ANO4: variants seen among roughly 807,000 people sequenced by gnomAD.
ANO4 encodes the protein anoctamin 4, also known as anoctamin-4.
ANO4 carries 69 observed loss-of-function variants against 141.9 expected under a neutral mutation model. The ratio of observed to expected loss-of-function variants is 0.49; its 90% CI spans 0.40 to 0.59. The LOEUF (loss-of-function observed/expected upper bound fraction) is 0.59. ANO4 is among the 20% of genes least tolerant of loss of function. The probability of loss-of-function intolerance (pLI) is 0.00; values close to 1 mark genes in which losing one functional copy is unlikely to be tolerated. For synonymous variants in ANO4, 350 were observed against 394.3 expected, an observed-to-expected ratio of 0.89 and a Z score of 1.33; for missense variants, 894 against 1,162.2, an observed-to-expected ratio of 0.77 and a Z score of 3.36.
At chr12:100,878,817 T>A (rs1254840796) in intron 1 of ANO4, among the ~76,000 whole-genome samples, 1 of 152,324 alleles carries the variant, frequency 6.6e-6, no homozygotes, top group Admixed American at 6.5e-5. Context: ...TCTTTAAACA[T>A]GGCAAATTAA....
chr12:101,030,909 C>A (rs771983547), intron 9 of ANO4, among the ~76,000 whole-genome samples: 2 of 152,154 alleles, frequency 1.3e-5, no homozygotes, highest in Non-Finnish European at 2.9e-5. Context: ...CCTGAATAGA[C>A]CAGTAACAAG....
intron 8 of ANO4, among the ~76,000 whole-genome samples, chr12:100,987,974 C>T (rs2044795287): frequency 1.3e-5 from 2 of 152,236 alleles, no homozygotes; most frequent in African/African-American, 4.8e-5. Flanking sequence ...GCTCTGCCAA[C>T]TCCCTGTGCA....
At chr12:100,827,639 T>A (rs2036423337) in intron 1 of ANO4, among the ~76,000 whole-genome samples, 1 of 151,920 alleles carries the variant, frequency 6.6e-6, no homozygotes. Context: ...CGGAAATAAA[T>A]GTCAATATTT....
chr12:101,004,981 T>C (rs771298671), intron 8 of ANO4, among the ~76,000 whole-genome samples: 1 of 152,162 alleles, frequency 6.6e-6, no homozygotes, highest in Non-Finnish European at 1.5e-5. Flanking sequence ...TTCTAGGACT[T>C]TGCTGCTCCC....
chr12:101,110,312 C>T, intron 22 of ANO4, 92 bp from the exon 23 acceptor site: 1 of 1,339,836 alleles, frequency 7.5e-7, no homozygotes, highest in South Asian at 1.9e-5. Context: ...AAAAATGGGA[C>T]TTAAGACAAT....
intron 3 of ANO4, among the ~76,000 whole-genome samples, chr12:100,766,060 C>T (rs953440926): frequency 2.0e-5 from 3 of 152,102 alleles, no homozygotes; most frequent in African/African-American, 7.2e-5. Flanking sequence ...CACCATTTTA[C>T]TCCCTGTTTC....
At chr12:100,873,443 T>C (rs1041088378) in intron 1 of ANO4, among the ~76,000 whole-genome samples, 1 of 152,174 alleles carries the variant, frequency 6.6e-6, no homozygotes, top group African/African-American at 2.4e-5. Flanking sequence ...GAGTAACTTA[T>C]TGGGAACTGG....
chr12:101,118,688 A>C (rs986801506), intron 25 of ANO4, among the ~76,000 whole-genome samples: 2 of 152,190 alleles, frequency 1.3e-5, no homozygotes, highest in African/African-American at 4.8e-5. Context: ...AATTTGCTGA[A>C]GTGAGTGGAC....
chr12:100,925,302 C>T (rs746397966), intron 3 of ANO4, among the ~76,000 whole-genome samples: 7 of 151,984 alleles, frequency 4.6e-5, no homozygotes, highest in Admixed American at 6.6e-5. Context: ...GAAAGCTTTG[C>T]GAGACCATCG....
rs769995903 is a variant in ANO4 at position 101,111,552 on chromosome 12, T to C, written c.2303-11T>C. On this transcript the variant is annotated splice_polypyrimidine_tract_variant and intron_variant, in intron 23 of 27. Transcript: ENST00000392977. ...GTGTATGGAACTAACACAACACTTC[T>C]ATTTGAATAGGAATTTGGTATGGAA... is the stretch of plus-strand genomic sequence containing the variant. The C allele has an allele frequency of 3.8e-5, 61 of 1,594,992 alleles. No individual in the cohort carries two copies. Among genetic ancestry groups the C allele is most frequent in the Non-Finnish European group, 5.0e-5 (59 of 1,171,026 alleles).
intron 8 of ANO4, among the ~76,000 whole-genome samples, chr12:100,995,868 A>AG (rs1407109479): frequency 1.3e-5 from 2 of 152,228 alleles, no homozygotes; most frequent in African/African-American, 4.8e-5. Context: ...AGAACAGGAA[A>AG]GGAGCAAGGC....
chr12:100,889,802 A>G (rs2040017843), intron 1 of ANO4, among the ~76,000 whole-genome samples: 1 of 152,248 alleles, frequency 6.6e-6, no homozygotes, highest in Non-Finnish European at 1.5e-5. Context: ...GATGTAAACT[A>G]GTTCAACACT....
intron 1 of ANO4, among the ~76,000 whole-genome samples, chr12:100,876,369 A>G (rs1034446139): frequency 8.0e-5 from 12 of 150,786 alleles, no homozygotes. Flanking sequence ...GTGGGGGAGG[A>G]TAAAAATCCT....
intron 1 of ANO4, chr12:100,733,724 G>A: frequency 2.9e-6 from 2 of 681,408 alleles, no homozygotes; most frequent in Non-Finnish European, 5.3e-6. Flanking sequence ...TTGTGGTCAT[G>A]GTGTCTACTA....
chr12:101,117,041 C>G (rs1037533535), intron 25 of ANO4, among the ~76,000 whole-genome samples: 4 of 152,182 alleles, frequency 2.6e-5, no homozygotes, highest in Non-Finnish European at 5.9e-5. Context: ...TTGAGAACTG[C>G]TAGCTTAAAG....
chr12:100,750,428 G>C (rs1290778980), intron 3 of ANO4, among the ~76,000 whole-genome samples: 1 of 151,842 alleles, frequency 6.6e-6, no homozygotes, highest in Non-Finnish European at 1.5e-5. Context: ...ACATGCGTGA[G>C]CCACCACACC....
chr12:101,012,481 A>G (rs80319693), intron 8 of ANO4, among the ~76,000 whole-genome samples: 3,116 of 152,316 alleles, frequency 0.02, 113 homozygotes, highest in African/African-American at 0.072. Flanking sequence ...CAAGTTGTGC[A>G]AGAATCTAAG....
At chr12:100,942,323 T>C in intron 4 of ANO4, 54 bp from the exon 5 acceptor site, 1 of 1,574,912 alleles carries the variant, frequency 6.3e-7, no homozygotes, top group Non-Finnish European at 8.6e-7. Flanking sequence ...CATTACTCAC[T>C]TGAACCTCAA....
chr12:101,072,952 G>A (rs1470609902), intron 14 of ANO4, among the ~76,000 whole-genome samples: 1 of 152,184 alleles, frequency 6.6e-6, no homozygotes, highest in Non-Finnish European at 1.5e-5. Flanking sequence ...TGGAGAGGAT[G>A]TGGAGAAATA....
Sources: allele counts gnomAD v4.1 joint callset (sites outside exome capture counted in the v4.1 genomes callset), GRCh38; gene constraint gnomAD v4.1.1; transcripts MANE v1.5; gene names NCBI Gene and HGNC (gene_info 2026-07-23, HGNC 2026-07-21).